Variants in BRCA1 observed in about 807,000 individuals in gnomAD.
BRCA1 encodes the protein BRCA1 DNA repair associated.
BRCA1 carries 140 observed loss-of-function variants against 173.7 expected under a neutral mutation model. The ratio of observed to expected loss-of-function variants is 0.81; its 90% confidence interval spans 0.70 to 0.93. The LOEUF (loss-of-function observed/expected upper bound fraction) is 0.93. Ranked by LOEUF, BRCA1 falls within the 40% of genes least tolerant of loss-of-function variation. The probability of loss-of-function intolerance (pLI) is 0.00; values close to 1 mark genes in which losing one functional copy is unlikely to be tolerated. For missense variants in BRCA1, 1,983 were observed against 2,172.5 expected (o/e 0.91, Z 1.73); for synonymous variants, 662 against 756.0 (o/e 0.88, Z 2.04).
At position 43,120,123 on chromosome 17, in the gene BRCA1, T is replaced by C. The variant is rs571706912; in HGVS notation, c.80+3894A>G. On this transcript the variant is annotated intron_variant, in intron 2 of 22. Transcript: ENST00000357654. ...ACTGGAAAAAGCAGCTAGGTTTAGG[T>C]TGAAAAACAACAACCCACCGGGGAA... Among the ~76,000 whole-genome samples, 6 of 152,292 alleles carry C rather than the reference T, an allele frequency of 3.9e-5. No homozygotes were observed. The East Asian group carries it at 9.6e-4, about 24-fold the overall frequency.
At chr17:43,111,620 G>C (rs2055039333) in intron 3 of BRCA1, among the ~76,000 whole-genome samples, 2 of 152,022 alleles carry the variant, frequency 1.3e-5, no homozygotes, top group South Asian at 4.1e-4. Flanking sequence ...AGGAGATCGA[G>C]ACCATCCTGG....
rs1309272991 is a variant in BRCA1 at position 43,091,233 on chromosome 17, CTCAT to C, written c.4096+198_4096+201del. 66 of 859,948 alleles carry C rather than the reference CTCAT, an allele frequency of 7.7e-5. No homozygotes were observed. In the Admixed American group the frequency reaches 7.9e-4, roughly 10 times the overall value. 53.3% of individuals were successfully genotyped at this position (859,948 alleles called of 1,614,324 possible). On this transcript the variant is annotated intron_variant, in intron 10 of 22. Coordinates refer to ENST00000357654, the MANE Select transcript of BRCA1 (RefSeq NM_007294.4). ...TCCACCAGTAATTAGGATGTTAAAG[CTCAT>C]TCAGTCAAAGATGACGTCCTAGCTG...
At chr17:43,159,762 T>C (rs1248832243) in intron 1 of BRCA1, 1 of 163,288 alleles carries the variant, frequency 6.1e-6, no homozygotes, top group Non-Finnish European at 1.3e-5. Context: ...CACTTGTTTA[T>C]CTGCTGACCT....
intron 2 of BRCA1, among the ~76,000 whole-genome samples, chr17:43,116,914 C>G (rs1339033363): frequency 2.6e-5 from 4 of 152,174 alleles, no homozygotes; most frequent in Non-Finnish European, 5.9e-5. Flanking sequence ...TTCCCCCATT[C>G]TGGATTTTGC....
At position 43,045,474 on chromosome 17, in the gene BRCA1, G is replaced by T. The variant is rs1265033977; in HGVS notation, c.*204C>A. 1 of 832,852 alleles carries T rather than the reference G, an allele frequency of 1.2e-6. No homozygotes were observed. The highest frequency in any genetic ancestry group is 2.0e-6 in the Non-Finnish European group (1 of 502,360). The allele number at this position is 832,852 out of a possible 1,614,324, so 51.6% of individuals were successfully genotyped here. On this transcript the variant is annotated 3_prime_UTR_variant, in exon 23 of 23. Coordinates refer to ENST00000357654, the MANE Select transcript of BRCA1 (RefSeq NM_007294.4). ...TTACCATAATTTTGTGCTCATGGCA[G>T]ATTTCCAAGGGAGACTTCAAGCAGA... is the stretch of plus-strand genomic sequence containing the variant.
chr17:43,136,600 C>A lies in BRCA1; in HGVS notation c.-19-12485G>T, dbSNP rs1467256234. On this transcript the variant is annotated intron_variant, in intron 1 of 7. Transcript: ENST00000634433. The stretch of plus-strand genomic sequence containing the variant: ...AACAAATTTACAATAAAAAATCAAA[C>A]AACCCCATCAAAAAGTGGGCAAAGG... 3.4e-4 allele frequency among the ~76,000 whole-genome samples: 52 copies of A among 151,856 alleles called. 1 individual carries two copies. The highest frequency in any genetic ancestry group is 1.2e-4 in the Non-Finnish European group (8 of 67,842).
intron 3 of BRCA1, chr17:43,110,533 C>T (rs1426038852): frequency 1.1e-5 from 5 of 443,358 alleles, no homozygotes; most frequent in Non-Finnish European, 2.3e-5. Context: ...CAACAGTAAG[C>T]CTCATGATCG....
chr17:43,127,995 G>A (rs1825790113), upstream of BRCA1, among the ~76,000 whole-genome samples: 1 of 130,462 alleles, frequency 7.7e-6, no homozygotes, highest in Admixed American at 8.8e-5. Context: ...CTGCATTCCA[G>A]CCTGGGTGAC....
upstream of BRCA1, among the ~76,000 whole-genome samples, chr17:43,127,249 A>C (rs2055912541): frequency 6.6e-6 from 1 of 152,236 alleles, no homozygotes; most frequent in Non-Finnish European, 1.5e-5. Context: ...AGGTGAAGCC[A>C]GCTGGGCTCC....
intron 1 of BRCA1, among the ~76,000 whole-genome samples, chr17:43,143,398 C>T (rs2056093503): frequency 6.6e-6 from 1 of 152,084 alleles, no homozygotes; most frequent in South Asian, 2.1e-4. Flanking sequence ...TCATGGAAAC[C>T]GATGGGCGGC....
chr17:43,098,778 G>A (rs1344708317), intron 7 of BRCA1, among the ~76,000 whole-genome samples: 4 of 151,264 alleles, frequency 2.6e-5, no homozygotes, highest in African/African-American at 9.7e-5. Flanking sequence ...AAAGCGTTAG[G>A]ATTACAGGCA....
At position 43,063,864 on chromosome 17, in the gene BRCA1, T is replaced by C. The variant is rs80358114; in HGVS notation, c.5152+10A>G. 3.1e-6 allele frequency: 5 copies of C among 1,606,904 alleles called. No homozygotes were observed. The highest frequency in any genetic ancestry group is 4.3e-6 in the Non-Finnish European group (5 of 1,173,582). On this transcript the variant is annotated intron_variant, in intron 17 of 22. Transcript: ENST00000357654. ...TAAAGGGAGGAGGGGAGAAATAGTA[T>C]TATACTTACAGAAATAGCTAACTAC...
At chr17:43,131,491 G>A (rs1345826191) in intron 1 of BRCA1, among the ~76,000 whole-genome samples, 1 of 152,142 alleles carries the variant, frequency 6.6e-6, no homozygotes, top group Non-Finnish European at 1.5e-5. Context: ...AGTAGGGACA[G>A]AAAACTGCTG....
At chr17:43,121,748 A>C (rs898567105) in intron 2 of BRCA1, among the ~76,000 whole-genome samples, 3 of 152,018 alleles carry the variant, frequency 2.0e-5, no homozygotes, top group African/African-American at 7.2e-5. Flanking sequence ...AGCAATGAAA[A>C]GCTAGAAAAC....
intron 20 of BRCA1, chr17:43,050,150 G>A: frequency 5.0e-6 from 2 of 398,614 alleles, no homozygotes; most frequent in Non-Finnish European, 8.8e-6. Flanking sequence ...CTAAGTCCCT[G>A]GGCAGAAGCA....
At chr17:43,083,943 A>C (rs2053128572) in intron 11 of BRCA1, among the ~76,000 whole-genome samples, 1 of 152,082 alleles carries the variant, frequency 6.6e-6, no homozygotes. Flanking sequence ...GGCTCACTGC[A>C]ACCTCCGCCT....
chr17:43,057,752 C>T (rs1439107262), intron 18 of BRCA1, among the ~76,000 whole-genome samples: 5 of 150,130 alleles, frequency 3.3e-5, no homozygotes, highest in South Asian at 2.1e-4. Flanking sequence ...AGGAGAATGG[C>T]GTGAACCCGG....
At chr17:43,053,936 T>C (rs2051355120) in intron 19 of BRCA1, among the ~76,000 whole-genome samples, 1 of 151,650 alleles carries the variant, frequency 6.6e-6, no homozygotes, top group African/African-American at 2.4e-5. Context: ...GCCATTGTAC[T>C]TCAGCCTGGG....
intron 3 of BRCA1, among the ~76,000 whole-genome samples, chr17:43,110,957 C>A (rs949212347): frequency 2.6e-5 from 4 of 151,744 alleles, no homozygotes; most frequent in Non-Finnish European, 5.9e-5. Flanking sequence ...AAAAATTAGC[C>A]ATGCATGGTG....
Sources: gnomAD v4.1 joint callset for allele counts (sites outside exome capture counted in the v4.1 genomes callset) on GRCh38, gnomAD v4.1.1 for gene constraint, MANE v1.5 for transcripts, NCBI Gene and HGNC (gene_info 2026-07-23, HGNC 2026-07-21) for gene names.